Variants in CNTN6 observed in about 807,000 individuals in gnomAD.
The protein encoded by CNTN6 is contactin-6.
In CNTN6, 137 loss-of-function variants were observed where a neutral mutation model predicts 122.8. That is an observed-to-expected ratio of 1.12 (90% CI 0.97 to 1.29). The LOEUF is 1.29. CNTN6 is among the 50% of genes most tolerant of loss of function. The pLI, the probability that CNTN6 is intolerant of heterozygous loss-of-function variation, is 0.00. For missense variants in CNTN6, 1,634 were observed against 1,223.4 expected (o/e 1.34, Z -5.01); for synonymous variants, 570 against 426.0 (o/e 1.34, Z -4.16).
At chr3:1,143,466 T>C (rs2092658361) in intron 1 of CNTN6, among the ~76,000 whole-genome samples, 1 of 152,178 alleles carries the variant, frequency 6.6e-6, no homozygotes, top group African/African-American at 2.4e-5. Context: ...TTTTCCTTTA[T>C]TACACCATTT....
At chr3:1,252,077 C>G (rs963619681) in intron 4 of CNTN6, among the ~76,000 whole-genome samples, 8 of 152,190 alleles carry the variant, frequency 5.3e-5, no homozygotes, top group African/African-American at 1.9e-4. Flanking sequence ...CCATCTATCA[C>G]ATACCATTGG....
intron 20 of CNTN6, among the ~76,000 whole-genome samples, chr3:1,387,355 T>C (rs1424497657): frequency 2.6e-5 from 4 of 152,244 alleles, no homozygotes; most frequent in African/African-American, 9.6e-5. Flanking sequence ...CCTGTTTTAC[T>C]CAATGTTGAC....
chr3:1,243,926 G>A (rs1192390956), intron 4 of CNTN6, among the ~76,000 whole-genome samples: 2 of 152,188 alleles, frequency 1.3e-5, no homozygotes, highest in Non-Finnish European at 2.9e-5. Context: ...GGACAGGCGG[G>A]AGGGAAAGAA....
chr3:1,203,488 C>T (rs1229738623), intron 2 of CNTN6, among the ~76,000 whole-genome samples: 3 of 152,102 alleles, frequency 2.0e-5, no homozygotes, highest in East Asian at 3.9e-4. Flanking sequence ...GACAGGAATG[C>T]GGGATAGAAT....
At chr3:1,190,859 A>T (rs772047885) in intron 2 of CNTN6, among the ~76,000 whole-genome samples, 43 of 152,104 alleles carry the variant, frequency 2.8e-4, no homozygotes, top group Non-Finnish European at 5.3e-4. Flanking sequence ...AAAGCAATTT[A>T]TTACCCAGGT....
chr3:1,354,704 C>T (rs547686241), intron 12 of CNTN6, among the ~76,000 whole-genome samples: 34 of 151,604 alleles, frequency 2.2e-4, no homozygotes, highest in Middle Eastern at 3.4e-3. Context: ...ATGTTATTAT[C>T]TTATGCAGCT....
chr3:1,189,795 C>T (rs552994450), intron 2 of CNTN6, among the ~76,000 whole-genome samples: 6 of 152,266 alleles, frequency 3.9e-5, no homozygotes, highest in African/African-American at 1.4e-4. Flanking sequence ...GAAAAAAATG[C>T]CACCATCTCT....
At chr3:1,369,313 T>C (rs1319491628) in intron 12 of CNTN6, among the ~76,000 whole-genome samples, 2 of 152,030 alleles carry the variant, frequency 1.3e-5, no homozygotes, top group African/African-American at 4.8e-5. Flanking sequence ...ATTGGATTCA[T>C]GCTAGCTTCC....
At chr3:1,218,376 G>A (rs1021921334) in intron 2 of CNTN6, among the ~76,000 whole-genome samples, 3 of 152,090 alleles carry the variant, frequency 2.0e-5, no homozygotes, top group African/African-American at 7.2e-5. Flanking sequence ...ATCCATGTAG[G>A]AATATGTCTG....
chr3:1,128,352 C>A (rs1345990105), intron 1 of CNTN6: 1 of 151,910 alleles, frequency 6.6e-6, no homozygotes, highest in Non-Finnish European at 1.5e-5. Context: ...AGCCTCATCC[C>A]CACTTTGTGC....
intron 1 of CNTN6, among the ~76,000 whole-genome samples, chr3:1,099,202 A>G (rs1433594624): frequency 6.6e-6 from 1 of 152,188 alleles, no homozygotes; most frequent in Non-Finnish European, 1.5e-5. Context: ...CTGTAATCCC[A>G]GCACTTTGGG....
chr3:1,394,258 C>A, intron 20 of CNTN6: 2 of 232,554 alleles, frequency 8.6e-6, no homozygotes, highest in Non-Finnish European at 1.7e-5. Flanking sequence ...AGGAACAAGA[C>A]AGCCAGGAAT....
Position 1,383,426 on chromosome 3 carries a change from C to T in CNTN6, c.2517+18C>T, listed in dbSNP as rs780894581. 6.3e-6 allele frequency: 10 copies of T among 1,595,776 alleles called. No homozygotes were observed. Among genetic ancestry groups the T allele is most frequent in the Non-Finnish European group, 6.9e-6 (8 of 1,163,650 alleles). On this transcript the variant is annotated intron_variant, in intron 19 of 22. Transcript: ENST00000446702. ...GCTATGAGGTAATCCACATTAATTT[C>T]ACTTTTGCTTATGAATGTGCCAATG...
At chr3:1,364,402 T>C (rs944878712) in intron 12 of CNTN6, among the ~76,000 whole-genome samples, 2 of 151,902 alleles carry the variant, frequency 1.3e-5, no homozygotes, top group South Asian at 4.1e-4. Flanking sequence ...ATAATTTTTC[T>C]TACACTTTTG....
At chr3:1,248,748 A>C (rs1575415877) in intron 4 of CNTN6, among the ~76,000 whole-genome samples, 1 of 152,074 alleles carries the variant, frequency 6.6e-6, no homozygotes, top group East Asian at 1.9e-4. Flanking sequence ...TGAACCCGAG[A>C]GGCGGAGGTT....
intron 20 of CNTN6, among the ~76,000 whole-genome samples, chr3:1,390,882 A>C (rs1694041380): frequency 6.6e-6 from 1 of 150,958 alleles, no homozygotes; most frequent in Non-Finnish European, 1.5e-5. Context: ...TGAATAGACC[A>C]ATAACAGGAG....
At chr3:1,310,728 G>A (rs558292867) in intron 7 of CNTN6, among the ~76,000 whole-genome samples, 38 of 152,236 alleles carry the variant, frequency 2.5e-4, no homozygotes, top group Non-Finnish European at 4.4e-4. Flanking sequence ...GAGGCCAGGC[G>A]CAGTGGCTCA....
intron 20 of CNTN6, among the ~76,000 whole-genome samples, chr3:1,388,433 A>AAAAGT (rs935839582): frequency 2.0e-5 from 3 of 151,418 alleles, no homozygotes; most frequent in Admixed American, 6.6e-5. Context: ...ATCAAAGACC[A>AAAAGT]AAAGTAGATA....
chr3:1,298,619 AG>A (rs1277455665), intron 7 of CNTN6, among the ~76,000 whole-genome samples: 1 of 152,108 alleles, frequency 6.6e-6, no homozygotes, highest in Admixed American at 6.6e-5. Context: ...TGCTTTTTGG[AG>A]GTATACAAAT....
Sources: gnomAD v4.1 joint callset for allele counts (sites outside exome capture counted in the v4.1 genomes callset) on GRCh38, gnomAD v4.1.1 for gene constraint, MANE v1.5 for transcripts, NCBI Gene and HGNC (gene_info 2026-07-23, HGNC 2026-07-21) for gene names.